The following LRFN5 variants were observed in gnomAD, a reference collection of about 807,000 sequenced individuals.
The protein encoded by LRFN5 is leucine rich repeat and fibronectin type III domain containing 5.
A neutral mutation model predicts 45.6 loss-of-function variants in LRFN5; 24 were observed. The observed-to-expected ratio is 0.53, with a 90% confidence interval of 0.38 to 0.74. The LOEUF (loss-of-function observed/expected upper bound fraction) is 0.74, where lower values mean the gene tolerates loss of function less well. Ranked by LOEUF, LRFN5 falls within the 30% of genes least tolerant of loss-of-function variation. The pLI, the probability that LRFN5 is intolerant of heterozygous loss-of-function variation, is 0.00. For synonymous variants in LRFN5, 340 were observed against 313.8 expected (o/e 1.08, Z -0.88); for missense variants, 776 against 861.5 (o/e 0.90, Z 1.24).
intron 2 of LRFN5, among the ~76,000 whole-genome samples, chr14:41,781,059 C>T (rs1370175325): frequency 5.3e-5 from 8 of 152,104 alleles, no homozygotes; most frequent in East Asian, 1.9e-4. Context: ...ATTTGTACTT[C>T]GAACAACTAG....
intron 1 of LRFN5, among the ~76,000 whole-genome samples, chr14:41,725,758 A>C (rs1170113349): frequency 6.6e-6 from 1 of 152,182 alleles, no homozygotes; most frequent in Admixed American, 6.5e-5. Context: ...GAAGTCTTTT[A>C]AGATCTTCCA....
intron 1 of LRFN5, among the ~76,000 whole-genome samples, chr14:41,754,150 G>A (rs559262366): frequency 1.3e-5 from 2 of 152,160 alleles, no homozygotes; most frequent in Non-Finnish European, 2.9e-5. Flanking sequence ...TTGATGTGCT[G>A]CTGGATTCGG....
intron 1 of LRFN5, among the ~76,000 whole-genome samples, chr14:41,673,354 C>A (rs1881338840): frequency 1.3e-5 from 2 of 150,146 alleles, no homozygotes; most frequent in South Asian, 2.1e-4. Flanking sequence ...GCTGACCCCC[C>A]ACCTCCCTCC....
chr14:41,720,006 C>T (rs1457878076), intron 1 of LRFN5, among the ~76,000 whole-genome samples: 1 of 151,924 alleles, frequency 6.6e-6, no homozygotes, highest in Non-Finnish European at 1.5e-5. Flanking sequence ...TCAAGGGGTA[C>T]ATGTGCAGGT....
chr14:41,802,248 G>C (rs563227795), intron 2 of LRFN5, among the ~76,000 whole-genome samples: 2 of 152,230 alleles, frequency 1.3e-5, no homozygotes, highest in South Asian at 4.1e-4. Flanking sequence ...TCAGAATACA[G>C]CAAAGACAAA....
chr14:41,904,052 C>A, intron 5 of LRFN5, 106 bp from the exon 6 acceptor site: 1 of 950,750 alleles, frequency 1.1e-6, no homozygotes, highest in Non-Finnish European at 1.6e-6. Flanking sequence ...TGGGTGCTTA[C>A]ATTTAGTTAC....
chr14:41,734,316 T>TTTTATATATATATATATATATATA (rs1555358693), intron 1 of LRFN5, among the ~76,000 whole-genome samples: 2 of 38,796 alleles, frequency 5.2e-5, no homozygotes, highest in Non-Finnish European at 1.4e-4. Flanking sequence ...TGGACTGGTT[T>TTTTATATATATATATATATATATA]TATATATATA....
chr14:41,823,225 A>C (rs1420374882), intron 2 of LRFN5, among the ~76,000 whole-genome samples: 2 of 151,960 alleles, frequency 1.3e-5, no homozygotes, highest in Admixed American at 1.3e-4. Flanking sequence ...GTGCTATATA[A>C]GACCTGTGAG....
At chr14:41,681,352 A>T (rs754136871) in intron 1 of LRFN5, among the ~76,000 whole-genome samples, 2 of 152,186 alleles carry the variant, frequency 1.3e-5, no homozygotes, top group African/African-American at 2.4e-5. Context: ...GGATAAAGAA[A>T]AGATTTTAAA....
At chr14:41,741,824 A>AAC (rs1443237239) in intron 1 of LRFN5, among the ~76,000 whole-genome samples, 1 of 151,560 alleles carries the variant, frequency 6.6e-6, no homozygotes, top group African/African-American at 2.4e-5. Context: ...TAAAAAAAAA[A>AAC]AACCAAAAAA....
At chr14:41,674,866 G>GGCTGCAATCTCGGCACTTTGGGA (rs1881523931) in intron 1 of LRFN5, among the ~76,000 whole-genome samples, 1 of 151,308 alleles carries the variant, frequency 6.6e-6, no homozygotes, top group African/African-American at 2.4e-5. Context: ...GCCGGGCGGA[G>GGCTGCAATCTCGGCACTTTGGGA]GGTCTCCTCG....
intron 1 of LRFN5, among the ~76,000 whole-genome samples, chr14:41,732,207 C>A (rs897256126): frequency 6.6e-6 from 1 of 152,060 alleles, no homozygotes; most frequent in East Asian, 1.9e-4. Context: ...CTTGGGGAAG[C>A]CAGAATGTGC....
In LRFN5 at chr14:41,756,577, G is replaced by A. The variant is rs77884869; in HGVS notation, c.-196-10277G>A. Among the ~76,000 whole-genome samples, 246 of 152,192 alleles carry A rather than the reference G, an allele frequency of 1.6e-3. 1 individual carries two copies. Among genetic ancestry groups the A allele is most frequent in the African/African-American group, 5.7e-3 (236 of 41,538 alleles). On this transcript the variant is annotated intron_variant, in intron 1 of 5. Transcript: ENST00000298119. ...CTACTGAGGCTTGTGCATTGGTCCC[G>A]TAGTTCTCGTGCCATGGTTTTCATC... is the stretch of plus-strand genomic sequence containing the variant.
rs979863640 is a variant in LRFN5, at chr14:41,892,777, C to A, written c.2098+815C>A. 34 of 985,132 alleles carry A rather than the reference C, an allele frequency of 3.5e-5. 1 individual carries two copies. The African/African-American group carries it at 5.6e-4, about 16-fold the overall frequency. 61.0% of individuals were successfully genotyped at this position (985,132 alleles called of 1,614,324 possible). A position where few individuals can be genotyped will look rare whatever the true frequency, so the allele number is the denominator to read the frequency against. ...CTTTTTCAGTGGAAAGAAGAAAGTG[C>A]AATTTATTTCGCATTTATGAAAACT... On this transcript the variant is annotated intron_variant, in intron 4 of 5. Coordinates refer to ENST00000298119, the MANE Select transcript of LRFN5 (RefSeq NM_152447.5).
intron 2 of LRFN5, among the ~76,000 whole-genome samples, chr14:41,844,025 T>G (rs1445076179): frequency 1.3e-5 from 2 of 152,190 alleles, no homozygotes; most frequent in Non-Finnish European, 2.9e-5. Context: ...AATAGATACT[T>G]CATAACAGAG....
chr14:41,893,377 T>A (rs1890845895), intron 4 of LRFN5: 1 of 983,808 alleles, frequency 1.0e-6, no homozygotes, highest in Non-Finnish European at 1.2e-6. Flanking sequence ...ACAGTTACCA[T>A]CAAAGAGGTT....
chr14:41,629,827 T>A (rs1475620877), intron 1 of LRFN5, among the ~76,000 whole-genome samples: 1 of 152,182 alleles, frequency 6.6e-6, no homozygotes, highest in Admixed American at 6.5e-5. Context: ...AGTAGCTTCA[T>A]AAGTTGCAGA....
At chr14:41,779,002 T>C (rs1314432932) in intron 2 of LRFN5, among the ~76,000 whole-genome samples, 1 of 151,820 alleles carries the variant, frequency 6.6e-6, no homozygotes, top group Non-Finnish European at 1.5e-5. Flanking sequence ...TCTCCTTTCA[T>C]TTCTTATTAT....
intron 1 of LRFN5, among the ~76,000 whole-genome samples, chr14:41,749,074 T>C (rs1176193687): frequency 6.6e-6 from 1 of 152,058 alleles, no homozygotes; most frequent in Non-Finnish European, 1.5e-5. Context: ...AACTCACTGT[T>C]ATGATAACTT....
Sources: allele counts gnomAD v4.1 joint callset (sites outside exome capture counted in the v4.1 genomes callset), GRCh38; gene constraint gnomAD v4.1.1; transcripts MANE v1.5; gene names NCBI Gene and HGNC (gene_info 2026-07-23, HGNC 2026-07-21).